The following BAP1 variants were observed in gnomAD, a reference collection of about 807,000 sequenced individuals.
The protein encoded by BAP1 is BRCA1 associated deubiquitinase 1.
A neutral mutation model predicts 77.2 loss-of-function variants in BAP1; 16 were observed. That is an observed-to-expected ratio of 0.21 (90% CI 0.14 to 0.31). The LOEUF (loss-of-function observed/expected upper bound fraction) is 0.31, where lower values mean the gene tolerates loss of function less well. Among genes scored for constraint, BAP1 ranks in the 10% least tolerant of loss-of-function variants. BAP1 has a pLI of 1.00. For synonymous variants in BAP1, 362 were observed against 385.2 expected, an observed-to-expected ratio of 0.94 and a Z score of 0.71; for missense variants, 699 against 967.3, an observed-to-expected ratio of 0.72 and a Z score of 3.68.
Position 52,408,465 on chromosome 3 carries a change from C to T in BAP1, c.255+9G>A, listed in dbSNP as rs2153228266. On this transcript the variant is annotated intron_variant, in intron 4 of 16. Coordinates refer to ENST00000460680, the MANE Select transcript of BAP1 (RefSeq NM_004656.4). ...CCACCCTCCAAACAAAGCACAGAGT[C>T]CAGCAGACCTGGTGGGCAAAGAACA... is the stretch of plus-strand genomic sequence containing the variant. 1.2e-6 allele frequency: 2 copies of T among 1,610,170 alleles called. No individual in the cohort carries two copies. Among genetic ancestry groups the T allele is most frequent in the East Asian group, 4.5e-5 (2 of 44,864 alleles).
chr3:52,409,885 G>A lies in BAP1; in HGVS notation c.-7C>T. ...CCAGCCAGCCCTTATTCATCTTCCCGCGGGGCGGCCCCTCAGCGCCATGTC... is the reference window on the plus strand; with the variant it reads ...CCAGCCAGCCCTTATTCATCTTCCCACGGGGCGGCCCCTCAGCGCCATGTC... On this transcript the variant is annotated 5_prime_UTR_variant, in exon 1 of 17. Coordinates refer to ENST00000460680, the MANE Select transcript of BAP1 (RefSeq NM_004656.4). 6.2e-7 allele frequency: 1 copy of A among 1,606,790 alleles called. No individual in the cohort carries two copies. Among genetic ancestry groups the A allele is most frequent in the Non-Finnish European group, 8.5e-7 (1 of 1,179,858 alleles).
Position 52,406,763 on chromosome 3 carries a change from C to G in BAP1, c.659+66G>C, listed in dbSNP as rs2153227582. 1 of 1,506,208 alleles carries G rather than the reference C, an allele frequency of 6.6e-7. No individual in the cohort carries two copies. The highest frequency in any genetic ancestry group is 2.5e-5 in the East Asian group (1 of 40,694). The allele number at this position is 1,506,208 out of a possible 1,614,324, so 93.3% of individuals were successfully genotyped here. A position where few individuals can be genotyped will look rare whatever the true frequency, so the allele number is the denominator to read the frequency against. Reference sequence around the variant, plus strand: ...TTGCAATTTACAAATCACCTGGATACTCTCTGTCCCTCCCAAAGTAGGTAC... The same window carrying G: ...TTGCAATTTACAAATCACCTGGATAGTCTCTGTCCCTCCCAAAGTAGGTAC... On this transcript the variant is annotated intron_variant, in intron 8 of 16. Coordinates refer to ENST00000460680, the MANE Select transcript of BAP1 (RefSeq NM_004656.4). This position sits in a 1 kb window ranked among gnomAD's most constrained non-coding sequence, Gnocchi z 4.6.
chr3:52,408,932 AAAGT>A (rs1705257564), intron 3 of BAP1, among the ~76,000 whole-genome samples: 2 of 152,260 alleles, frequency 1.3e-5, no homozygotes, highest in African/African-American at 4.8e-5. Context: ...GTAGGAACAC[AAAGT>A]AAGACAAGAA....
At chr3:52,405,439 T>C (rs1029614963) in intron 10 of BAP1, 145 bp from the exon 11 acceptor site, 4 of 734,378 alleles carry the variant, frequency 5.4e-6, no homozygotes, top group African/African-American at 4.2e-5. Flanking sequence ...CTCTAAGTCA[T>C]GATCCCGCAA....
chr3:52,405,934 C>T (rs2153227305), intron 9 of BAP1, 22 bp from the exon 10 acceptor site: 3 of 1,613,714 alleles, frequency 1.9e-6, no homozygotes, highest in Non-Finnish European at 2.5e-6. Context: ...ATCCAGGGCT[C>T]AGAGGAGAAA....
At position 52,403,956 on chromosome 3, in the gene BAP1, C is replaced by A. The variant is rs943631233; in HGVS notation, c.1251-62G>T. ...GCCAGGTGACCATACCCAGCAGTACCCAGAATGGCTTAAATACATCCCGAC... is the reference window on the plus strand; with the variant it reads ...GCCAGGTGACCATACCCAGCAGTACACAGAATGGCTTAAATACATCCCGAC... On this transcript the variant is annotated intron_variant, in intron 12 of 16. Transcript: ENST00000460680. The surrounding 1 kb of genome is among the most constrained non-coding windows in gnomAD (Gnocchi z 4.0). 172 of 1,561,652 alleles carry A rather than the reference C, an allele frequency of 1.1e-4. No homozygotes were observed. Among genetic ancestry groups the A allele is most frequent in the Middle Eastern group, 5.1e-4 (3 of 5,828 alleles).
In BAP1 at chr3:52,403,715, G is replaced by A. The variant is rs2153226724; in HGVS notation, c.1430C>T (p.Ala477Val). ...TSSGAGSPAVAVPTHSQPSPT... is the reference protein window; with the variant it reads ...TSSGAGSPAVVVPTHSQPSPT... Reference sequence around the variant, plus strand: ...TGAGGGCTGCGAGTGTGTGGGCACTGCCACAGCCGGACTCCCAGCCCCGCT... The same window carrying A: ...TGAGGGCTGCGAGTGTGTGGGCACTACCACAGCCGGACTCCCAGCCCCGCT... The change falls in exon 13 of 17, where the codon GCA becomes GTA. Residue 477 changes from alanine to valine, a missense_variant. This residue lies in a region of BAP1 where 475 missense variants were observed against 532.4 expected (regional missense o/e 0.89). Transcript: ENST00000460680. This position sits in a 1 kb window ranked among gnomAD's most constrained non-coding sequence, Gnocchi z 4.0. 1 of 1,614,034 alleles carries A rather than the reference G, an allele frequency of 6.2e-7. No homozygotes were observed. The highest frequency in any genetic ancestry group is 8.5e-7 in the Non-Finnish European group (1 of 1,180,012).
intron 5 of BAP1, 94 bp from the exon 6 acceptor site, chr3:52,407,554 T>C: frequency 6.5e-7 from 1 of 1,540,534 alleles, no homozygotes; most frequent in Admixed American, 1.7e-5. Context: ...CCTGGAGGCA[T>C]TCCAGGAATC....
At chr3:52,407,649 C>A (rs1402583652) in intron 5 of BAP1, among the ~76,000 whole-genome samples, 189 bp from the exon 6 acceptor site, 1 of 152,130 alleles carries the variant, frequency 6.6e-6, no homozygotes, top group Non-Finnish European at 1.5e-5. Context: ...CTGTGCTGGC[C>A]TTGCATGGTA....
rs1332223613 is a variant in BAP1 at position 52,409,929 on chromosome 3, C to A, written c.-51G>T. 3 of 1,594,366 alleles carry A rather than the reference C, an allele frequency of 1.9e-6. No individual in the cohort carries two copies. Among genetic ancestry groups the A allele is most frequent in the Non-Finnish European group, 2.5e-6 (3 of 1,177,208 alleles). ...CCATGTCCAGGCCCTCCCTCCCCAC[C>A]GCTGCCCCCACCGGGAGCCCCCACC... On this transcript the variant is annotated 5_prime_UTR_variant, in exon 1 of 17. Coordinates refer to ENST00000460680, the MANE Select transcript of BAP1 (RefSeq NM_004656.4).
rs1404481415 is a variant in BAP1, at chr3:52,404,543, G to T, written c.1160C>A (p.Pro387Gln). The change falls in exon 12 of 17, where the codon CCA (proline) becomes CAA (glutamine). Residue 387 changes from proline (P) to glutamine (Q), a missense_variant. Around this residue, in one of 3 missense-constraint regions of BAP1, gnomAD observed 475 missense variants for 532.4 expected, o/e 0.89. Transcript: ENST00000460680. The part of the protein sequence containing the change: ...LAAGVGRSRV[P>Q]VRPPQQYSDD... ...TGAGTACTGCTGGGGTGGGCGGACT[G>T]GAACTCGGCTGCGGCCCACACCTGC... 10 of 1,613,944 alleles carry T rather than the reference G, an allele frequency of 6.2e-6. No individual in the cohort carries two copies. Among genetic ancestry groups the T allele is most frequent in the Non-Finnish European group, 6.8e-6 (8 of 1,180,042 alleles).
Position 52,406,860 on chromosome 3 carries a change from T to C in BAP1, c.628A>G (p.Ile210Val), listed in dbSNP as rs1705177017. ...GTGGCGAGGCCGATACGCTCCATGA[T>C]GACCCGCCGGGCCTTGTCTGTCCAC... is the stretch of plus-strand genomic sequence containing the variant. Reference protein sequence around the residue: ...EEWTDKARRVIMERIGLATAG... With the variant: ...EEWTDKARRVVMERIGLATAG... The change falls in exon 8 of 17, where the codon ATC becomes GTC. Residue 210 changes from isoleucine to valine, a missense_variant. Transcript: ENST00000460680. The surrounding 1 kb of genome is among the most constrained non-coding windows in gnomAD (Gnocchi z 4.6). 6.4e-7 allele frequency: 1 copy of C among 1,564,440 alleles called. No homozygotes were observed. Among genetic ancestry groups the C allele is most frequent in the Non-Finnish European group, 8.7e-7 (1 of 1,153,726 alleles).
chr3:52,401,977 T>TA lies in BAP1; in HGVS notation c.*310dup. 2.0e-6 allele frequency: 1 copy of TA among 506,058 alleles called. No homozygotes were observed. The highest frequency in any genetic ancestry group is 2.5e-5 in the South Asian group (1 of 40,298). 31.3% of individuals were successfully genotyped at this position (506,058 alleles called of 1,614,324 possible). ...CAGAAAAATAGATGTCTCTGATAGG[T>TA]AAAATATATATTCTGCTGCCCAGGC... On this transcript the variant is annotated 3_prime_UTR_variant, in exon 17 of 17. Transcript: ENST00000460680.
chr3:52,408,826 C>T (rs1384215468), intron 3 of BAP1, among the ~76,000 whole-genome samples: 1 of 152,222 alleles, frequency 6.6e-6, no homozygotes, highest in African/African-American at 2.4e-5. Flanking sequence ...AAGCCTCTGA[C>T]TGTGATGCTC....
At chr3:52,405,664 C>G in intron 10 of BAP1, 101 bp downstream of exon 10, 1 of 1,533,742 alleles carries the variant, frequency 6.5e-7, no homozygotes, top group Non-Finnish European at 8.8e-7. Flanking sequence ...GAACACTGCC[C>G]AAGGACATCC....
Position 52,403,315 on chromosome 3 carries a change from C to G in BAP1, c.1730-17G>C. ...TCCCACCCTCTGGGAAGAGAGGTCACAAGAAAATCATCAGAGTGCAGGACA... is the reference window on the plus strand; with the variant it reads ...TCCCACCCTCTGGGAAGAGAGGTCAGAAGAAAATCATCAGAGTGCAGGACA... On this transcript the variant is annotated splice_polypyrimidine_tract_variant and intron_variant, in intron 13 of 16. Coordinates refer to ENST00000460680, the MANE Select transcript of BAP1 (RefSeq NM_004656.4). The surrounding 1 kb of genome is among the most constrained non-coding windows in gnomAD (Gnocchi z 4.0). 1 of 1,613,456 alleles carries G rather than the reference C, an allele frequency of 6.2e-7. No homozygotes were observed. Among genetic ancestry groups the G allele is most frequent in the South Asian group, 1.1e-5 (1 of 91,080 alleles).
chr3:52,405,443 C>A, intron 10 of BAP1, 149 bp from the exon 11 acceptor site: 1 of 696,894 alleles, frequency 1.4e-6, no homozygotes. Flanking sequence ...AAGTCATGAT[C>A]CCGCAATGAG....
chr3:52,404,064 C>T (rs760461405), intron 12 of BAP1, among the ~76,000 whole-genome samples, 170 bp from the exon 13 acceptor site: 1 of 152,210 alleles, frequency 6.6e-6, no homozygotes, highest in South Asian at 2.1e-4. Context: ...CAAGTTCTGA[C>T]AGCTGCAGCC....
chr3:52,403,554 G>A lies in BAP1; in HGVS notation c.1591C>T (p.Leu531Phe), dbSNP rs1035038505. ...SPVTSHISKV[L>F]FGEDDSLLRV... is the part of the protein sequence containing the mutation. Reference sequence around the variant, plus strand: ...AGCAGGCTGTCATCCTCTCCAAAAAGCACCTTGGAGATGTGGGAGGTGACA... The same window carrying A: ...AGCAGGCTGTCATCCTCTCCAAAAAACACCTTGGAGATGTGGGAGGTGACA... The change falls in exon 13 of 17, where the codon CTT becomes TTT. Residue 531 changes from leucine to phenylalanine, a missense_variant. By Grantham distance (22) the Leu-to-Phe change is conservative. Coordinates refer to ENST00000460680, the MANE Select transcript of BAP1 (RefSeq NM_004656.4). This position sits in a 1 kb window ranked among gnomAD's most constrained non-coding sequence, Gnocchi z 4.0. 6.2e-7 allele frequency: 1 copy of A among 1,614,140 alleles called. No homozygotes were observed. The highest frequency in any genetic ancestry group is 8.5e-7 in the Non-Finnish European group (1 of 1,180,004).
Sources: gnomAD v4.1 joint callset for allele counts (sites outside exome capture counted in the v4.1 genomes callset) on GRCh38, gnomAD v4.1.1 for gene constraint, gnomAD v4.1.1 regional missense constraint, Gnocchi (gnomAD v3.1) non-coding constraint, MANE v1.5 for transcripts, NCBI Gene and HGNC (gene_info 2026-07-23, HGNC 2026-07-21) for gene names.